Variants in COL4A5 observed in about 807,000 individuals in gnomAD.
The protein encoded by COL4A5 is collagen alpha-5(IV) chain.
In COL4A5, 26 loss-of-function variants were observed where a neutral mutation model predicts 130.2. That is an observed-to-expected ratio of 0.20 (90% CI 0.15 to 0.28). COL4A5 has a LOEUF of 0.28. COL4A5 is among the 10% of genes least tolerant of loss of function. COL4A5 has a pLI of 1.00. For missense variants in COL4A5, 1,131 were observed against 1,344.3 expected (o/e 0.84, Z 2.48); for synonymous variants, 496 against 439.6 (o/e 1.13, Z -1.60).
chrX:108,620,264 C>T lies in COL4A5; in HGVS notation c.2515C>T (p.His839Tyr). 8.3e-7 allele frequency: 1 copy of T among 1,204,366 alleles called. No homozygotes were observed. Among genetic ancestry groups the T allele is most frequent in the East Asian group, 3.0e-5 (1 of 33,771 alleles). ...IPGPIGQPGL[H>Y]GIPGEKGDPG... ...ATTGATATTGTATTAACTAGGTTTACATGGAATACCAGGAGAGAAGGGGGA... is the reference window on the plus strand; with the variant it reads ...ATTGATATTGTATTAACTAGGTTTATATGGAATACCAGGAGAGAAGGGGGA... Residue 839 changes from histidine to tyrosine, a missense_variant, in exon 31 of 53, where the codon CAT becomes TAT. His to Tyr is a moderately conservative substitution (Grantham distance 83). Transcript: ENST00000328300.
Position 108,605,806 on chromosome X carries a change from A to G in COL4A5, c.2245-936A>G, listed in dbSNP as rs1161878148. Among the ~76,000 whole-genome samples the G allele has an allele frequency of 1.5e-4, 17 of 112,291 alleles. No individual in the cohort carries two copies. In the Admixed American group the frequency reaches 1.6e-3, roughly 11 times the overall value. ...ATGATTGGTTGAAATGGTGTTGAAT[A>G]TCATTTCCAGACCTTGTATACTGTT... On this transcript the variant is annotated intron_variant, in intron 28 of 52. Transcript: ENST00000328300.
intron 26 of COL4A5, 40 bp downstream of exon 26, chrX:108,601,525 T>C (rs1163695069): frequency 1.2e-6 from 1 of 805,884 alleles, no homozygotes; most frequent in Non-Finnish European, 1.8e-6. Context: ...TCAACACCGA[T>C]GGCTTTTTTT....
At chrX:108,684,532 C>G (rs971949780) in intron 47 of COL4A5, among the ~76,000 whole-genome samples, 1 of 111,774 alleles carries the variant, frequency 8.9e-6, no homozygotes, top group African/African-American at 3.3e-5. Flanking sequence ...GGACACGTAC[C>G]CCCTCTCAAG....
chrX:108,665,865 A>G (rs950811049), intron 38 of COL4A5, among the ~76,000 whole-genome samples: 1 of 111,672 alleles, frequency 9.0e-6, no homozygotes, highest in Non-Finnish European at 1.9e-5. Flanking sequence ...AGCTTGGTCA[A>G]CATGGTGATA....
intron 1 of COL4A5, among the ~76,000 whole-genome samples, chrX:108,471,769 G>A (rs2064772937): frequency 9.0e-6 from 1 of 111,155 alleles, no homozygotes; most frequent in Admixed American, 9.6e-5. Flanking sequence ...ACTTGGATGG[G>A]GGTTAAAGAA....
intron 36 of COL4A5, among the ~76,000 whole-genome samples, chrX:108,636,919 G>A (rs890174519): frequency 9.3e-5 from 10 of 107,462 alleles, no homozygotes; most frequent in Non-Finnish European, 1.7e-4. Context: ...AATCACGAGG[G>A]TAGTTAGAAA....
At chrX:108,506,383 TCTATCTAC>T (rs1451197425) in intron 1 of COL4A5, among the ~76,000 whole-genome samples, 1 of 97,839 alleles carries the variant, frequency 1.0e-5, no homozygotes, top group Non-Finnish European at 2.1e-5. Context: ...TATCTATCTA[TCTATCTAC>T]CTACCTGTCT....
At chrX:108,567,060 T>C (rs1207828397) in intron 4 of COL4A5, among the ~76,000 whole-genome samples, 2 of 112,002 alleles carry the variant, frequency 1.8e-5, no homozygotes, top group Non-Finnish European at 3.8e-5. Context: ...GCCTATTTCC[T>C]ACAATATGCT....
At chrX:108,518,663 A>G (rs1199204237) in intron 1 of COL4A5, among the ~76,000 whole-genome samples, 3 of 111,535 alleles carry the variant, frequency 2.7e-5, no homozygotes, top group Admixed American at 9.5e-5. Flanking sequence ...TTTATCTTAA[A>G]AAATGCATTT....
At chrX:108,689,665 A>G (rs2068613776) in intron 49 of COL4A5, 1 of 752,843 alleles carries the variant, frequency 1.3e-6, no homozygotes, top group African/African-American at 2.3e-5. Context: ...AGATACAGGC[A>G]GCTGTCACTT....
intron 9 of COL4A5, 21 bp downstream of exon 9, chrX:108,573,675 T>A: frequency 9.4e-7 from 1 of 1,064,660 alleles, no homozygotes; most frequent in Non-Finnish European, 1.3e-6. Flanking sequence ...AGTGATTTTC[T>A]TTTTTTGCTA....
chrX:108,452,547 T>G (rs928770420), intron 1 of COL4A5, among the ~76,000 whole-genome samples: 2 of 111,878 alleles, frequency 1.8e-5, no homozygotes, highest in African/African-American at 6.5e-5. Flanking sequence ...TCACATCCCT[T>G]GTAAGTTGGA....
At chrX:108,672,820 A>G (rs919902576) in intron 42 of COL4A5, among the ~76,000 whole-genome samples, 2 of 111,992 alleles carry the variant, frequency 1.8e-5, no homozygotes, top group African/African-American at 6.5e-5. Flanking sequence ...AAACACATAT[A>G]TAAAATGTCT....
intron 1 of COL4A5, among the ~76,000 whole-genome samples, chrX:108,528,047 A>C (rs1186596284): frequency 8.9e-6 from 1 of 112,076 alleles, no homozygotes; most frequent in African/African-American, 3.2e-5. Flanking sequence ...CATCCAAGCA[A>C]GACACCTGGA....
At chrX:108,680,799 G>C in intron 45 of COL4A5, 48 bp downstream of exon 45, 1 of 1,185,200 alleles carries the variant, frequency 8.4e-7, no homozygotes, top group African/African-American at 1.8e-5. Context: ...AACTCCTCTG[G>C]GACAAGATAG....
chrX:108,586,925 T>TA (rs771136701), intron 19 of COL4A5, among the ~76,000 whole-genome samples, 178 bp downstream of exon 19: 2 of 111,568 alleles, frequency 1.8e-5, no homozygotes, highest in South Asian at 3.7e-4. Context: ...ACTTGTACTT[T>TA]AAAAAAGCCC....
chrX:108,546,933 T>G (rs969655267), intron 2 of COL4A5, among the ~76,000 whole-genome samples: 10 of 112,496 alleles, frequency 8.9e-5, no homozygotes, highest in South Asian at 3.7e-4. Context: ...CATCACGTAG[T>G]TCTCGTGCCA....
intron 30 of COL4A5, among the ~76,000 whole-genome samples, chrX:108,617,359 C>T (rs558507042): frequency 8.1e-5 from 9 of 111,251 alleles, no homozygotes; most frequent in African/African-American, 2.3e-4. Context: ...TTTCATTTTG[C>T]GATAGGAAAA....
At chrX:108,529,063 A>G (rs1175628540) in intron 1 of COL4A5, among the ~76,000 whole-genome samples, 1 of 111,681 alleles carries the variant, frequency 9.0e-6, no homozygotes, top group East Asian at 2.8e-4. Context: ...AAACAGTAAG[A>G]GAAAAGTGTC....
Sources: allele counts gnomAD v4.1 joint callset (sites outside exome capture counted in the v4.1 genomes callset), GRCh38; gene constraint gnomAD v4.1.1; transcripts MANE v1.5; gene names NCBI Gene and HGNC (gene_info 2026-07-23, HGNC 2026-07-21).